The following LRCH1 variants were observed in gnomAD, a reference collection of about 807,000 sequenced individuals.
LRCH1 encodes the protein leucine rich repeats and calponin homology domain containing 1.
LRCH1 carries 23 observed loss-of-function variants against 94.9 expected under a neutral mutation model. That is an observed-to-expected ratio of 0.24 (90% CI 0.17 to 0.34). The LOEUF (loss-of-function observed/expected upper bound fraction) is 0.34, where lower values mean the gene tolerates loss of function less well. Ranked by LOEUF, LRCH1 falls within the 10% of genes least tolerant of loss-of-function variation. The pLI, the probability that LRCH1 is intolerant of heterozygous loss-of-function variation, is 1.00. For synonymous variants in LRCH1, 364 were observed against 354.9 expected (o/e 1.03, Z -0.29); for missense variants, 790 against 945.9 (o/e 0.84, Z 2.16).
chr13:46,720,743 T>C (rs1872555484), intron 16 of LRCH1, among the ~76,000 whole-genome samples: 1 of 152,202 alleles, frequency 6.6e-6, no homozygotes, highest in South Asian at 2.1e-4. Flanking sequence ...TGTAGGTAAT[T>C]TAATCAGAGG....
intron 9 of LRCH1, 132 bp from the exon 10 acceptor site, chr13:46,699,204 A>C: frequency 1.5e-6 from 1 of 685,180 alleles, no homozygotes; most frequent in Non-Finnish European, 2.6e-6. Context: ...CCCTCCATAG[A>C]TGGCTGTTTG....
intron 1 of LRCH1, among the ~76,000 whole-genome samples, chr13:46,646,478 A>T (rs1416929200): frequency 1.3e-5 from 2 of 152,212 alleles, no homozygotes; most frequent in Non-Finnish European, 2.9e-5. Flanking sequence ...CTTTCCAGAC[A>T]CAATCTACTT....
At position 46,692,545 on chromosome 13, in the gene LRCH1, G is replaced by T; in HGVS notation, c.1024G>T (p.Glu342Ter). ...KRLSATEPSDEDTVSLNVPMS... is the reference protein window; with the variant it reads ...KRLSATEPSD ...CACTGTATCTTTTTAGCCTTCTGAC[G>T]AAGACACTGTTAGCCTCAATGTGCC... The change falls in exon 8 of 20, where the codon GAA (glutamate) becomes TAA (stop). Residue 342 changes from glutamate to a stop codon, truncating the protein, a stop_gained. Transcript: ENST00000389797. LOFTEE classifies it high-confidence loss of function. The T allele has an allele frequency of 6.2e-7, 1 of 1,613,114 alleles. No homozygotes were observed. The highest frequency in any genetic ancestry group is 8.5e-7 in the Non-Finnish European group (1 of 1,179,206).
intron 1 of LRCH1, among the ~76,000 whole-genome samples, chr13:46,593,247 A>C (rs1295729931): frequency 6.6e-6 from 1 of 150,554 alleles, no homozygotes; most frequent in Non-Finnish European, 1.5e-5. Context: ...ATAAAAAAAA[A>C]GTTTTTCCTT....
At position 46,734,017 on chromosome 13, in the gene LRCH1, C is replaced by T; in HGVS notation, c.2085+19C>T. On this transcript the variant is annotated intron_variant, in intron 19 of 19. Coordinates refer to ENST00000389797, the MANE Select transcript of LRCH1 (RefSeq NM_001164211.2). ...ACCAGAGGTAACATCAAACTTACTTCATATAACTGTGTTCTAGTAAAAATT... is the reference window on the plus strand; with the variant it reads ...ACCAGAGGTAACATCAAACTTACTTTATATAACTGTGTTCTAGTAAAAATT... 7.2e-7 allele frequency: 1 copy of T among 1,394,842 alleles called. No homozygotes were observed. Among genetic ancestry groups the T allele is most frequent in the Non-Finnish European group, 1.0e-6 (1 of 996,026 alleles). 86.4% of individuals were successfully genotyped at this position (1,394,842 alleles called of 1,614,324 possible).
chr13:46,582,374 T>TTC (rs1200359403), intron 1 of LRCH1, among the ~76,000 whole-genome samples: 1 of 142,074 alleles, frequency 7.0e-6, no homozygotes, highest in Non-Finnish European at 1.5e-5. Flanking sequence ...TCTCATCTTT[T>TTC]TTTTTTTTTT....
chr13:46,627,814 T>G (rs1277206404), intron 1 of LRCH1, among the ~76,000 whole-genome samples: 1 of 152,188 alleles, frequency 6.6e-6, no homozygotes, highest in Non-Finnish European at 1.5e-5. Context: ...TATTTATACT[T>G]TTTGGATCCG....
chr13:46,610,342 C>T (rs182354939), intron 1 of LRCH1, among the ~76,000 whole-genome samples: 1 of 152,212 alleles, frequency 6.6e-6, no homozygotes, highest in African/African-American at 2.4e-5. Context: ...ATTTATTCTA[C>T]TTCTTTTAGG....
intron 13 of LRCH1, among the ~76,000 whole-genome samples, chr13:46,707,248 C>G (rs1871811549): frequency 6.6e-6 from 1 of 152,088 alleles, no homozygotes; most frequent in East Asian, 1.9e-4. Context: ...TTTTGAGGAA[C>G]ACAAACCTCC....
At chr13:46,721,310 G>A (rs190359144) in intron 16 of LRCH1, among the ~76,000 whole-genome samples, 35 of 152,296 alleles carry the variant, frequency 2.3e-4, no homozygotes, top group Admixed American at 6.5e-5. Flanking sequence ...GAAAACATTC[G>A]ATGTGTTTAA....
chr13:46,570,381 T>A (rs1308869650), intron 1 of LRCH1, among the ~76,000 whole-genome samples: 1 of 152,204 alleles, frequency 6.6e-6, no homozygotes, highest in Non-Finnish European at 1.5e-5. Flanking sequence ...AGGGTCCTTA[T>A]CCTGTGCTAA....
chr13:46,719,496 G>T (rs1872500173), intron 16 of LRCH1, among the ~76,000 whole-genome samples: 1 of 152,186 alleles, frequency 6.6e-6, no homozygotes, highest in Non-Finnish European at 1.5e-5. Flanking sequence ...GCTCACAGAA[G>T]ACAGAGATTA....
chr13:46,574,876 A>G (rs1313238616), intron 1 of LRCH1, among the ~76,000 whole-genome samples: 1 of 27,350 alleles, frequency 3.7e-5, no homozygotes, highest in Non-Finnish European at 8.5e-5. Flanking sequence ...GCTTTTTCTT[A>G]ATTTTTTCCT....
At position 46,668,792 on chromosome 13, in the gene LRCH1, G is replaced by C. The variant is rs3742271; in HGVS notation, c.453-238G>C. 0.63 allele frequency among the ~76,000 whole-genome samples: 93,978 copies of C among 148,210 alleles called. 30,447 individuals carry two copies. Among genetic ancestry groups the C allele is most frequent in the Middle Eastern group, 0.73 (211 of 290 alleles). On this transcript the variant is annotated intron_variant, in intron 2 of 19. Coordinates refer to ENST00000389797, the MANE Select transcript of LRCH1 (RefSeq NM_001164211.2). ...TTGTGTTGAATAAAGTTGTCTCTTT[G>C]AGAACTGCCCATACCCTTATTTTTT...
chr13:46,625,556 C>A (rs141908888), intron 1 of LRCH1, among the ~76,000 whole-genome samples: 1 of 151,104 alleles, frequency 6.6e-6, no homozygotes, highest in African/African-American at 2.4e-5. Context: ...GACACATAAT[C>A]TGCTTGCTCC....
chr13:46,667,244 G>T (rs549678576), intron 2 of LRCH1, among the ~76,000 whole-genome samples: 1 of 152,146 alleles, frequency 6.6e-6, no homozygotes, highest in African/African-American at 2.4e-5. Context: ...AGATATCAAG[G>T]TGTTGACAAG....
At chr13:46,671,748 A>G (rs1237936008) in intron 3 of LRCH1, among the ~76,000 whole-genome samples, 1 of 152,232 alleles carries the variant, frequency 6.6e-6, no homozygotes, top group Admixed American at 6.5e-5. Context: ...AATAACAACT[A>G]AAAAAACCAG....
chr13:46,613,290 T>A (rs2138006872), intron 1 of LRCH1, among the ~76,000 whole-genome samples: 1 of 151,544 alleles, frequency 6.6e-6, no homozygotes, highest in Middle Eastern at 3.4e-3. Context: ...CTCGGGAGGC[T>A]GAGGCAGGAG....
At chr13:46,698,097 G>C (rs963272290) in intron 9 of LRCH1, among the ~76,000 whole-genome samples, 1 of 152,200 alleles carries the variant, frequency 6.6e-6, no homozygotes. Context: ...TACATGAAAA[G>C]TATAATCACT....
Sources: gnomAD v4.1 joint callset for allele counts (sites outside exome capture counted in the v4.1 genomes callset) on GRCh38, gnomAD v4.1.1 for gene constraint, MANE v1.5 for transcripts, NCBI Gene and HGNC (gene_info 2026-07-23, HGNC 2026-07-21) for gene names.